The following CAST variants were observed in gnomAD, a reference collection of about 807,000 sequenced individuals.
The protein encoded by CAST is MIR583 host.
In CAST, 76 loss-of-function variants were observed where a neutral mutation model predicts 119.6. The ratio of observed to expected loss-of-function variants is 0.64; its 90% CI spans 0.53 to 0.77. The LOEUF (loss-of-function observed/expected upper bound fraction) is 0.77. CAST is among the 30% of genes least tolerant of loss of function. The pLI is 0.00. For missense variants in CAST, 953 were observed against 946.5 expected (o/e 1.01, Z -0.09); for synonymous variants, 319 against 331.6 (o/e 0.96, Z 0.41).
At chr5:96,724,365 A>G (rs962746674) in intron 4 of CAST, among the ~76,000 whole-genome samples, 2 of 151,978 alleles carry the variant, frequency 1.3e-5, no homozygotes, top group East Asian at 1.9e-4. Context: ...GTTTTTCTGT[A>G]GAGACAGGGG....
chr5:96,345,999 G>A, the CAST span, among the ~76,000 whole-genome samples: 1 of 152,184 alleles, frequency 6.6e-6, no homozygotes, highest in Non-Finnish European at 1.5e-5. Flanking sequence ...ACATCAGAAG[G>A]CAGGGATCAC....
upstream of CAST, among the ~76,000 whole-genome samples, chr5:96,526,442 A>T (rs116222608): frequency 2.9e-3 from 442 of 152,344 alleles, 1 homozygote; most frequent in African/African-American, 0.01. Context: ...TTTTCCTGGT[A>T]CAGTACCTTT....
the CAST span, among the ~76,000 whole-genome samples, chr5:96,519,141 C>T: frequency 1.3e-5 from 2 of 152,150 alleles, no homozygotes; most frequent in Non-Finnish European, 2.9e-5. Context: ...AAGATTTCTT[C>T]ACAGATTATT....
the CAST span, among the ~76,000 whole-genome samples, chr5:96,012,366 A>AG: frequency 6.6e-6 from 1 of 151,992 alleles, no homozygotes; most frequent in Non-Finnish European, 1.5e-5. Flanking sequence ...ATTATGCTTT[A>AG]GGGGTTACAG....
the CAST span, among the ~76,000 whole-genome samples, chr5:96,164,912 C>A: frequency 1.3e-5 from 2 of 151,880 alleles, no homozygotes; most frequent in African/African-American, 4.8e-5. Flanking sequence ...CAGAGCCTGG[C>A]ATGGGAAAGG....
chr5:96,291,007 G>A, the CAST span, among the ~76,000 whole-genome samples: 1 of 152,224 alleles, frequency 6.6e-6, no homozygotes, highest in Non-Finnish European at 1.5e-5. Context: ...CAGCCACCAT[G>A]TTCTGAGGAT....
chr5:96,439,350 CA>C, the CAST span, among the ~76,000 whole-genome samples: 2 of 151,818 alleles, frequency 1.3e-5, no homozygotes, highest in Admixed American at 6.6e-5. Flanking sequence ...ATTATGAAAG[CA>C]AAAAAGCAAC....
At chr5:96,010,165 G>A in the CAST span, among the ~76,000 whole-genome samples, 4 of 152,090 alleles carry the variant, frequency 2.6e-5, no homozygotes, top group Non-Finnish European at 4.4e-5. Context: ...TCTGTTTTTT[G>A]TATAAGCACC....
chr5:96,069,655 C>CTTTTTTTTTT, the CAST span, among the ~76,000 whole-genome samples: 5 of 78,376 alleles, frequency 6.4e-5, no homozygotes, highest in African/African-American at 1.0e-4. Context: ...GGTAATTAAA[C>CTTTTTTTTTT]TTTTTTTTTT....
chr5:96,391,254 T>C, the CAST span: 1 of 152,168 alleles, frequency 6.6e-6, no homozygotes, highest in Non-Finnish European at 1.5e-5. Flanking sequence ...CAGGTGAAAA[T>C]TTGTGTTACC....
the CAST span, among the ~76,000 whole-genome samples, chr5:96,088,054 C>G: frequency 2.0e-5 from 3 of 152,342 alleles, no homozygotes; most frequent in Non-Finnish European, 4.4e-5. Flanking sequence ...GTAATAATTA[C>G]AAGGCATTCT....
the CAST span, among the ~76,000 whole-genome samples, chr5:96,106,424 T>G: frequency 6.6e-6 from 1 of 152,220 alleles, no homozygotes; most frequent in East Asian, 1.9e-4. Context: ...TATGTTGTGT[T>G]TTTGTTCTTG....
rs1773074477 is a variant in CAST, at chr5:96,773,164, G to C, written c.*548G>C. ...GTCAAACATAAGATATTGTACATTG[G>C]GCACATATCTCCTCTTGGGCTGCTA... On this transcript the variant is annotated 3_prime_UTR_variant, in exon 32 of 32. Transcript: ENST00000675179. The C allele has an allele frequency of 6.5e-6, 1 of 153,662 alleles. No homozygotes were observed. The highest frequency in any genetic ancestry group is 2.4e-5 in the African/African-American group (1 of 41,372). 9.5% of individuals were successfully genotyped at this position (153,662 alleles called of 1,614,324 possible). A position where few individuals can be genotyped will look rare whatever the true frequency, so the allele number is the denominator to read the frequency against.
the CAST span, among the ~76,000 whole-genome samples, chr5:96,035,011 T>C: frequency 6.9e-6 from 1 of 145,122 alleles, no homozygotes; most frequent in East Asian, 2.0e-4. Flanking sequence ...CATCCGTTCA[T>C]TCAATGATGG....
chr5:96,201,332 T>C, the CAST span, among the ~76,000 whole-genome samples: 2 of 152,108 alleles, frequency 1.3e-5, no homozygotes, highest in African/African-American at 4.8e-5. Context: ...GTTTAGAGAA[T>C]AAATATTTAG....
chr5:96,182,995 C>T, the CAST span, among the ~76,000 whole-genome samples: 4 of 151,748 alleles, frequency 2.6e-5, no homozygotes, highest in African/African-American at 7.3e-5. Flanking sequence ...AATAATTAGC[C>T]GGGCGTGGTG....
chr5:96,623,166 C>T (rs1389073680), intron 1 of CAST, among the ~76,000 whole-genome samples: 5 of 152,040 alleles, frequency 3.3e-5, no homozygotes, highest in African/African-American at 1.2e-4. Flanking sequence ...ACCCAGCCTA[C>T]CTCAATAATT....
chr5:96,660,387 C>T (rs1748256666), upstream of CAST, among the ~76,000 whole-genome samples: 1 of 152,250 alleles, frequency 6.6e-6, no homozygotes, highest in African/African-American at 2.4e-5. Flanking sequence ...ATAACTTCAG[C>T]TAAACTGTCA....
At chr5:96,681,684 G>C (rs1397176987) in intron 2 of CAST, among the ~76,000 whole-genome samples, 1 of 134,108 alleles carries the variant, frequency 7.5e-6, no homozygotes, top group Non-Finnish European at 1.5e-5. Flanking sequence ...AGTGAGCCGA[G>C]ATCCCGCCAC....
Sources: allele counts gnomAD v4.1 joint callset (sites outside exome capture counted in the v4.1 genomes callset), GRCh38; gene constraint gnomAD v4.1.1; transcripts MANE v1.5; gene names NCBI Gene and HGNC (gene_info 2026-07-23, HGNC 2026-07-21).